The following XPO4 variants were observed in gnomAD, a reference collection of about 807,000 sequenced individuals.
XPO4 encodes exportin 4.
In XPO4, 39 loss-of-function variants were observed where a neutral mutation model predicts 143.0. That is an observed-to-expected ratio of 0.27 (90% confidence interval 0.21 to 0.36). The LOEUF is 0.36. XPO4 is among the 10% of genes least tolerant of loss of function. XPO4 has a pLI of 1.00. For synonymous variants in XPO4, 439 were observed against 474.0 expected, an observed-to-expected ratio of 0.93 and a Z score of 0.96; for missense variants, 907 against 1,348.0, an observed-to-expected ratio of 0.67 and a Z score of 5.12.
At chr13:20,822,317 A>G in intron 7 of XPO4, 28 bp from the exon 8 acceptor site, 2 of 1,589,384 alleles carry the variant, frequency 1.3e-6, no homozygotes, top group African/African-American at 2.7e-5. Context: ...TAATCCATAA[A>G]TATAAATTCT....
chr13:20,853,414 G>C (rs1256546315), intron 4 of XPO4, among the ~76,000 whole-genome samples: 1 of 151,724 alleles, frequency 6.6e-6, no homozygotes, highest in Non-Finnish European at 1.5e-5. Context: ...AGGCTGAGGT[G>C]GGAGGTGGGA....
chr13:20,879,829 A>G (rs909712238), intron 1 of XPO4, among the ~76,000 whole-genome samples: 1 of 152,208 alleles, frequency 6.6e-6, no homozygotes. Context: ...CTGATAGAAG[A>G]TTAATATCTG....
At chr13:20,855,875 G>A in intron 3 of XPO4, 110 bp from the exon 4 acceptor site, 1 of 1,195,668 alleles carries the variant, frequency 8.4e-7, no homozygotes, top group East Asian at 2.5e-5. Context: ...ACATGTGAGA[G>A]TAGAAGAGCC....
intron 9 of XPO4, among the ~76,000 whole-genome samples, chr13:20,818,210 A>C (rs2059674420): frequency 6.6e-6 from 1 of 152,222 alleles, no homozygotes; most frequent in Non-Finnish European, 1.5e-5. Context: ...AAAAGTCTCA[A>C]ATAATATCAA....
intron 4 of XPO4, chr13:20,852,910 C>A: frequency 2.0e-6 from 2 of 985,366 alleles, no homozygotes; most frequent in Non-Finnish European, 2.4e-6. Context: ...GGGATTACCA[C>A]TACTTATCAA....
chr13:20,875,623 T>C (rs1373126008), intron 1 of XPO4, among the ~76,000 whole-genome samples: 1 of 152,204 alleles, frequency 6.6e-6, no homozygotes, highest in Non-Finnish European at 1.5e-5. Flanking sequence ...GTCTTTCCTT[T>C]CCTTCTTATC....
intron 1 of XPO4, among the ~76,000 whole-genome samples, chr13:20,882,587 T>C (rs1221953900): frequency 6.6e-6 from 1 of 152,016 alleles, no homozygotes; most frequent in African/African-American, 2.4e-5. Context: ...AACCACATCA[T>C]AAAGAGTCTA....
intron 13 of XPO4, 117 bp downstream of exon 13, chr13:20,807,340 A>G: frequency 9.3e-7 from 1 of 1,072,882 alleles, no homozygotes; most frequent in African/African-American, 1.7e-5. Context: ...CCAAGTTTTC[A>G]TTTTTTTCAT....
At chr13:20,811,370 G>A (rs544820147) in intron 9 of XPO4, among the ~76,000 whole-genome samples, 46 of 150,004 alleles carry the variant, frequency 3.1e-4, no homozygotes, top group African/African-American at 6.4e-4. Flanking sequence ...TCACTACAGC[G>A]TCCGCTTCCT....
At chr13:20,852,207 T>A in intron 4 of XPO4, 1 of 985,444 alleles carries the variant, frequency 1.0e-6, no homozygotes, top group South Asian at 4.7e-5. Flanking sequence ...TTACTAGTAA[T>A]GTTCCTCAAG....
intron 15 of XPO4, among the ~76,000 whole-genome samples, chr13:20,799,561 C>A (rs906834977): frequency 3.9e-5 from 6 of 152,290 alleles, no homozygotes; most frequent in Non-Finnish European, 7.4e-5. Context: ...TCAATCATCA[C>A]TTCTCTATAA....
At chr13:20,851,589 G>T in intron 4 of XPO4, 1 of 474,224 alleles carries the variant, frequency 2.1e-6, no homozygotes, top group Non-Finnish European at 2.8e-6. Flanking sequence ...TGCACCTGTA[G>T]TCCCAGCTAC....
rs747988299 is a variant in XPO4 at position 20,862,699 on chromosome 13, C to A, written c.317+18G>T. ...AGCTCAGCAAAAGTATTTCAGCAGTCCCCCTCCATGTACTTACTTGGGCCT... is the reference window on the plus strand; with the variant it reads ...AGCTCAGCAAAAGTATTTCAGCAGTACCCCTCCATGTACTTACTTGGGCCT... On this transcript the variant is annotated intron_variant, in intron 3 of 22. Transcript: ENST00000255305. 6.2e-7 allele frequency: 1 copy of A among 1,613,612 alleles called. No homozygotes were observed. Among genetic ancestry groups the A allele is most frequent in the Admixed American group, 1.7e-5 (1 of 59,968 alleles).
chr13:20,866,047 C>T, intron 2 of XPO4: 1 of 985,306 alleles, frequency 1.0e-6, no homozygotes, highest in Non-Finnish European at 1.2e-6. Flanking sequence ...AAAGTTAGCT[C>T]CAGAAGAAGT....
chr13:20,900,153 G>A (rs2060606369), intron 1 of XPO4, among the ~76,000 whole-genome samples: 1 of 152,174 alleles, frequency 6.6e-6, no homozygotes, highest in Non-Finnish European at 1.5e-5. Flanking sequence ...TTGGGAGGCC[G>A]AGGCAGGTGG....
At chr13:20,818,988 T>G (rs981621953) in intron 9 of XPO4, among the ~76,000 whole-genome samples, 1 of 152,060 alleles carries the variant, frequency 6.6e-6, no homozygotes, top group African/African-American at 2.4e-5. Context: ...GCCCGGCTAA[T>G]TTTTTATATT....
chr13:20,792,531 C>CGCA (rs1467270577), intron 18 of XPO4, among the ~76,000 whole-genome samples: 1 of 151,800 alleles, frequency 6.6e-6, no homozygotes, highest in African/African-American at 2.4e-5. Flanking sequence ...ATGGCGCCAC[C>CGCA]GCAGTCCAGC....
intron 9 of XPO4, among the ~76,000 whole-genome samples, chr13:20,816,022 T>A (rs181805615): frequency 1.5e-4 from 23 of 152,352 alleles, no homozygotes; most frequent in Admixed American, 1.0e-3. Flanking sequence ...TACTATTTCT[T>A]AATCTGCGTG....
intron 6 of XPO4, 34 bp downstream of exon 6, chr13:20,842,861 C>A: frequency 6.4e-7 from 1 of 1,553,530 alleles, no homozygotes; most frequent in Non-Finnish European, 8.8e-7. Flanking sequence ...ATGAAAATTA[C>A]CACAGATAAA....
Sources: gnomAD v4.1 joint callset for allele counts (sites outside exome capture counted in the v4.1 genomes callset) on GRCh38, gnomAD v4.1.1 for gene constraint, MANE v1.5 for transcripts, NCBI Gene and HGNC (gene_info 2026-07-23, HGNC 2026-07-21) for gene names.